The following ADCY9 variants were observed in gnomAD, a reference collection of about 807,000 sequenced individuals.
ADCY9 encodes adenylate cyclase type 9.
In ADCY9, 50 loss-of-function variants were observed where a neutral mutation model predicts 101.5. The observed-to-expected ratio is 0.49, with a 90% confidence interval of 0.39 to 0.62. The LOEUF (loss-of-function observed/expected upper bound fraction) is 0.62, where lower values mean the gene tolerates loss of function less well. ADCY9 is among the 20% of genes least tolerant of loss of function. The pLI, the probability that ADCY9 is intolerant of heterozygous loss-of-function variation, is 0.00. For missense variants in ADCY9, 1,662 were observed against 1,800.4 expected, an observed-to-expected ratio of 0.92 and a Z score of 1.39; for synonymous variants, 905 against 769.3, an observed-to-expected ratio of 1.18 and a Z score of -2.92.
chr16:4,071,929 G>T (rs1480687237), intron 2 of ADCY9, among the ~76,000 whole-genome samples: 1 of 152,124 alleles, frequency 6.6e-6, no homozygotes, highest in Non-Finnish European at 1.5e-5. Context: ...TCGCGCCTCA[G>T]CCTCCTGAGT....
intron 2 of ADCY9, among the ~76,000 whole-genome samples, chr16:4,062,797 A>G (rs2056780393): frequency 6.6e-6 from 1 of 152,262 alleles, no homozygotes; most frequent in Non-Finnish European, 1.5e-5. Flanking sequence ...TGAGGAATAT[A>G]TAAAAACATA....
chr16:4,108,104 G>A (rs935273875), intron 2 of ADCY9, among the ~76,000 whole-genome samples: 6 of 152,164 alleles, frequency 3.9e-5, no homozygotes, highest in Admixed American at 2.0e-4. Flanking sequence ...GGATGAGAGC[G>A]GAGGAGCATC....
intron 3 of ADCY9, among the ~76,000 whole-genome samples, chr16:4,001,772 T>C (rs1451075624): frequency 1.3e-5 from 2 of 150,394 alleles, no homozygotes. Flanking sequence ...TTTTTTGAGA[T>C]GGAATCTCAC....
At chr16:3,989,464 C>T (rs780316151) in intron 5 of ADCY9, among the ~76,000 whole-genome samples, 5 of 152,088 alleles carry the variant, frequency 3.3e-5, no homozygotes, top group African/African-American at 9.7e-5. Context: ...CTGCAATCTC[C>T]GCCTCCCAGG....
At chr16:4,098,747 C>T (rs113966235) in intron 2 of ADCY9, among the ~76,000 whole-genome samples, 1 of 152,070 alleles carries the variant, frequency 6.6e-6, no homozygotes, top group Admixed American at 6.6e-5. Context: ...GTGGCCGGCC[C>T]ATCGTTCCAG....
chr16:4,111,749 C>T (rs1162745148), intron 2 of ADCY9, among the ~76,000 whole-genome samples: 2 of 151,378 alleles, frequency 1.3e-5, no homozygotes, highest in Admixed American at 1.3e-4. Flanking sequence ...AGTACTAAAA[C>T]TTTTATAAAT....
chr16:3,976,370 A>C (rs751133531), intron 9 of ADCY9, among the ~76,000 whole-genome samples: 4 of 152,214 alleles, frequency 2.6e-5, no homozygotes, highest in Non-Finnish European at 5.9e-5. Flanking sequence ...GATGTCGCTA[A>C]TGGCAAATAT....
At chr16:4,058,463 C>G (rs2056754780) in intron 2 of ADCY9, among the ~76,000 whole-genome samples, 1 of 148,048 alleles carries the variant, frequency 6.8e-6, no homozygotes, top group Non-Finnish European at 1.5e-5. Context: ...ACTCTTGTCT[C>G]CAAGAAAAAA....
intron 5 of ADCY9, among the ~76,000 whole-genome samples, chr16:3,956,738 G>A (rs1160381243): frequency 1.3e-5 from 2 of 149,456 alleles, no homozygotes; most frequent in South Asian, 2.1e-4. Flanking sequence ...CAAGTGATCC[G>A]CCCGCCTTGG....
At chr16:3,956,151 CA>C (rs1273668029) in intron 5 of ADCY9, among the ~76,000 whole-genome samples, 3 of 152,138 alleles carry the variant, frequency 2.0e-5, no homozygotes, top group Admixed American at 6.5e-5. Flanking sequence ...CTTCCCGTCT[CA>C]ACCCCACAAA....
chr16:3,989,197 AT>A, intron 5 of ADCY9, 101 bp from the exon 6 acceptor site: 1 of 837,826 alleles, frequency 1.2e-6, no homozygotes, highest in Non-Finnish European at 2.0e-6. Context: ...CATTAGGTAT[AT>A]TACAACAGCT....
chr16:4,046,734 C>T (rs115302095), intron 2 of ADCY9, among the ~76,000 whole-genome samples: 111 of 152,224 alleles, frequency 7.3e-4, no homozygotes, highest in African/African-American at 2.4e-3. Flanking sequence ...CCTCACATAT[C>T]GAGGTGACAT....
intron 2 of ADCY9, among the ~76,000 whole-genome samples, chr16:4,013,428 G>GA (rs893844562): frequency 4.1e-5 from 6 of 147,512 alleles, no homozygotes; most frequent in East Asian, 2.0e-4. Flanking sequence ...TCTCAAAAAA[G>GA]AAAAAAAAAT....
chr16:3,997,699 G>T (rs12920521), intron 3 of ADCY9, among the ~76,000 whole-genome samples: 8,076 of 152,270 alleles, frequency 0.053, 278 homozygotes, highest in Non-Finnish European at 0.085. Context: ...TATGGGAGGT[G>T]GGGGGAGAGC....
At chr16:4,015,965 C>T (rs1170181666) in intron 2 of ADCY9, among the ~76,000 whole-genome samples, 1 of 122,636 alleles carries the variant, frequency 8.2e-6, no homozygotes, top group East Asian at 2.7e-4. Flanking sequence ...GAGACCCTGT[C>T]TCAAAAAAAT....
intron 2 of ADCY9, among the ~76,000 whole-genome samples, chr16:4,032,531 T>C (rs1448337568): frequency 1.3e-5 from 2 of 148,758 alleles, no homozygotes; most frequent in Admixed American, 1.4e-4. Context: ...TTTTTTGAGA[T>C]GGAGTTTTGC....
At chr16:4,022,638 G>C (rs1222177935) in intron 2 of ADCY9, among the ~76,000 whole-genome samples, 2 of 151,080 alleles carry the variant, frequency 1.3e-5, no homozygotes, top group Non-Finnish European at 2.9e-5. Flanking sequence ...TTTTTAAAAG[G>C]AGAAAATAGG....
intron 2 of ADCY9, among the ~76,000 whole-genome samples, chr16:4,101,346 C>A (rs906904320): frequency 6.8e-6 from 1 of 146,032 alleles, no homozygotes; most frequent in Non-Finnish European, 1.5e-5. Context: ...GTGGTGCAAT[C>A]ACAGCTCACT....
chr16:4,105,760 T>C (rs2057073063), intron 2 of ADCY9, among the ~76,000 whole-genome samples: 1 of 151,238 alleles, frequency 6.6e-6, no homozygotes, highest in African/African-American at 2.4e-5. Context: ...CATGGAAGGA[T>C]CATCTGAGTG....
Sources: gnomAD v4.1 joint callset for allele counts (sites outside exome capture counted in the v4.1 genomes callset) on GRCh38, gnomAD v4.1.1 for gene constraint, MANE v1.5 for transcripts, NCBI Gene and HGNC (gene_info 2026-07-23, HGNC 2026-07-21) for gene names.